The following INPP5A variants were observed in gnomAD, a reference collection of about 807,000 sequenced individuals.
INPP5A encodes the protein 43 kDa inositol polyphosphate 5-phophatase.
INPP5A carries 14 observed loss-of-function variants against 65.2 expected under a neutral mutation model. The ratio of observed to expected loss-of-function variants is 0.21; its 90% CI spans 0.14 to 0.34. The LOEUF is 0.34. Ranked by LOEUF, INPP5A falls within the 10% of genes least tolerant of loss-of-function variation. INPP5A has a pLI of 1.00. For missense variants in INPP5A, 431 were observed against 545.6 expected, an observed-to-expected ratio of 0.79 and a Z score of 2.09; for synonymous variants, 207 against 208.3, an observed-to-expected ratio of 0.99 and a Z score of 0.05.
chr10:132,723,192 G>A (rs1028741980), intron 8 of INPP5A, among the ~76,000 whole-genome samples: 3 of 152,246 alleles, frequency 2.0e-5, no homozygotes, highest in African/African-American at 4.8e-5. Flanking sequence ...CACCTGGTGC[G>A]TCGCCTGGCG....
At chr10:132,699,182 A>G (rs761105149) in intron 6 of INPP5A, among the ~76,000 whole-genome samples, 1 of 152,104 alleles carries the variant, frequency 6.6e-6, no homozygotes, top group Non-Finnish European at 1.5e-5. Flanking sequence ...GTGCAGGCCC[A>G]TCGGAAGGGC....
intron 1 of INPP5A, among the ~76,000 whole-genome samples, chr10:132,599,867 C>T (rs778017746): frequency 8.5e-5 from 13 of 152,242 alleles, no homozygotes; most frequent in Non-Finnish European, 1.8e-4. Flanking sequence ...CCTCTGAAGC[C>T]ACAGCCCGAG....
intron 2 of INPP5A, among the ~76,000 whole-genome samples, chr10:132,635,255 C>T (rs1008685823): frequency 1.3e-5 from 2 of 152,096 alleles, no homozygotes; most frequent in Admixed American, 6.6e-5. Flanking sequence ...TTGGGGTCTG[C>T]CATTTTTTAT....
intron 9 of INPP5A, among the ~76,000 whole-genome samples, chr10:132,733,284 G>A (rs1048962567): frequency 6.6e-6 from 1 of 152,216 alleles, no homozygotes; most frequent in Non-Finnish European, 1.5e-5. Flanking sequence ...ATGAATCTGG[G>A]GGCACACCGT....
chr10:132,624,691 T>C (rs534140767), intron 2 of INPP5A, among the ~76,000 whole-genome samples: 105 of 152,288 alleles, frequency 6.9e-4, no homozygotes, highest in African/African-American at 2.4e-3. Flanking sequence ...ACTCCCCACC[T>C]TTCTGTTCAA....
intron 4 of INPP5A, among the ~76,000 whole-genome samples, chr10:132,680,765 G>C (rs973672668): frequency 7.2e-4 from 109 of 152,370 alleles, no homozygotes; most frequent in Admixed American, 7.0e-3. Context: ...GCAGCCGGCC[G>C]GCCCTGTGCA....
Position 132,706,605 on chromosome 10 carries a change from C to G in INPP5A, c.475-1708C>G, listed in dbSNP as rs565759464. ...AAGGGTTGGCTGGCTTCAGCATCAC[C>G]CCCACCAGTGTGTGGGGCTTGGAAT... On this transcript the variant is annotated intron_variant, in intron 6 of 15. Coordinates refer to ENST00000368594, the MANE Select transcript of INPP5A (RefSeq NM_005539.5). The surrounding 1 kb of genome is among the most constrained non-coding windows in gnomAD (Gnocchi z 4.7). 2.6e-5 allele frequency among the ~76,000 whole-genome samples: 4 copies of G among 152,174 alleles called. No homozygotes were observed. Among genetic ancestry groups the G allele is most frequent in the African/African-American group, 7.2e-5 (3 of 41,434 alleles).
intron 3 of INPP5A, among the ~76,000 whole-genome samples, chr10:132,646,788 T>TCTGTGGGCCGACGCCGCTGCCACACA (rs1162100245): frequency 1.3e-5 from 2 of 152,006 alleles, no homozygotes; most frequent in Admixed American, 6.5e-5. Flanking sequence ...GCTGCCACGC[T>TCTGTGGGCCGACGCCGCTGCCACACA]CTGTGGGCCG....
intron 5 of INPP5A, among the ~76,000 whole-genome samples, chr10:132,693,535 G>C (rs1845300843): frequency 6.6e-6 from 1 of 152,124 alleles, no homozygotes; most frequent in Admixed American, 6.5e-5. Flanking sequence ...AGCTGGAGGA[G>C]CTATATTAAT....
intron 12 of INPP5A, among the ~76,000 whole-genome samples, chr10:132,769,417 A>G (rs760347824): frequency 2.6e-5 from 4 of 151,588 alleles, no homozygotes; most frequent in Non-Finnish European, 5.9e-5. Flanking sequence ...TGCATAAGGA[A>G]CTCTCCCGGG....
chr10:132,747,186 C>T (rs534708650), intron 9 of INPP5A, among the ~76,000 whole-genome samples: 2 of 152,380 alleles, frequency 1.3e-5, no homozygotes, highest in East Asian at 3.9e-4. Flanking sequence ...GCCACTTAAG[C>T]CCATTAGCAT....
At position 132,616,061 on chromosome 10, in the gene INPP5A, G is replaced by A. The variant is rs952646975; in HGVS notation, c.117+8105G>A. On this transcript the variant is annotated intron_variant, in intron 2 of 15. Coordinates refer to ENST00000368594, the MANE Select transcript of INPP5A (RefSeq NM_005539.5). The surrounding 1 kb of genome is among the most constrained non-coding windows in gnomAD (Gnocchi z 4.9). ...TCCGGGTCCTGTGGGGAGCGGTGAG[G>A]GATGGTCGTGTGCGTCGTTTTAGGA... Among the ~76,000 whole-genome samples the A allele has an allele frequency of 6.6e-6, 1 of 152,196 alleles. No homozygotes were observed. Among genetic ancestry groups the A allele is most frequent in the Non-Finnish European group, 1.5e-5 (1 of 68,020 alleles).
chr10:132,669,146 G>A (rs756567964), intron 4 of INPP5A, among the ~76,000 whole-genome samples: 3 of 152,258 alleles, frequency 2.0e-5, no homozygotes, highest in African/African-American at 4.8e-5. Flanking sequence ...CCAGCTACTC[G>A]GGAGGCTGAG....
chr10:132,607,750 C>G (rs577619471), intron 1 of INPP5A, among the ~76,000 whole-genome samples, 165 bp from the exon 2 acceptor site: 1 of 152,268 alleles, frequency 6.6e-6, no homozygotes, highest in South Asian at 2.1e-4. Flanking sequence ...GGGGTCCCCG[C>G]GTGGGCCTGG....
intron 2 of INPP5A, among the ~76,000 whole-genome samples, chr10:132,636,549 C>T (rs1001100480): frequency 2.6e-5 from 4 of 152,234 alleles, no homozygotes; most frequent in Non-Finnish European, 5.9e-5. Flanking sequence ...CTGCTGCACG[C>T]CTTTGGAAAT....
chr10:132,580,904 A>T (rs1382752025), intron 1 of INPP5A, among the ~76,000 whole-genome samples: 3 of 152,250 alleles, frequency 2.0e-5, no homozygotes, highest in Non-Finnish European at 4.4e-5. Flanking sequence ...TTTTGACATA[A>T]AAATTATACA....
At chr10:132,710,200 C>T in intron 7 of INPP5A, 137 bp from the exon 8 acceptor site, 2 of 894,652 alleles carry the variant, frequency 2.2e-6, no homozygotes, top group Non-Finnish European at 3.4e-6. Flanking sequence ...GGTGGGTGGA[C>T]AGGTGCCCCG....
chr10:132,727,258 C>T lies in INPP5A; in HGVS notation c.732+353C>T. On this transcript the variant is annotated intron_variant, in intron 9 of 15. Transcript: ENST00000368594. The surrounding 1 kb of genome is among the most constrained non-coding windows in gnomAD (Gnocchi z 6.5). ...AGCCTCTGCAGAGTGTCAGCTCCTT[C>T]ACACTGTCCAACTTGATCTCAGCGA... The T allele has an allele frequency of 4.8e-6, 1 of 209,576 alleles. No homozygotes were observed. Among genetic ancestry groups the T allele is most frequent in the South Asian group, 1.6e-4 (1 of 6,268 alleles). The allele number at this position is 209,576 out of a possible 1,614,324, so 13.0% of individuals were successfully genotyped here. A position where few individuals can be genotyped will look rare whatever the true frequency, so the allele number is the denominator to read the frequency against.
chr10:132,624,608 C>T (rs532006505), intron 2 of INPP5A, among the ~76,000 whole-genome samples: 1 of 152,346 alleles, frequency 6.6e-6, no homozygotes, highest in East Asian at 1.9e-4. Flanking sequence ...CGGTTCCTCC[C>T]ATTCCCACCT....
Sources: allele counts gnomAD v4.1 joint callset (sites outside exome capture counted in the v4.1 genomes callset), GRCh38; gene constraint gnomAD v4.1.1; non-coding constraint Gnocchi (gnomAD v3.1); transcripts MANE v1.5; gene names NCBI Gene and HGNC (gene_info 2026-07-23, HGNC 2026-07-21).